The following LMBRD2 variants were observed in gnomAD, a reference collection of about 807,000 sequenced individuals.
LMBRD2 encodes the protein LMBR1 domain containing 2.
A neutral mutation model predicts 94.4 loss-of-function variants in LMBRD2; 55 were observed. The observed-to-expected ratio is 0.58, with a 90% CI of 0.47 to 0.73. LMBRD2 has a LOEUF of 0.73. Among genes scored for constraint, LMBRD2 ranks in the 30% least tolerant of loss-of-function variants. LMBRD2 has a pLI of 0.00. For synonymous variants in LMBRD2, 246 were observed against 272.4 expected (o/e 0.90, Z 0.95); for missense variants, 640 against 831.9 (o/e 0.77, Z 2.84).
chr5:36,130,436 C>A (rs183552784), intron 6 of LMBRD2, among the ~76,000 whole-genome samples: 1 of 151,616 alleles, frequency 6.6e-6, no homozygotes, highest in African/African-American at 2.4e-5. Context: ...AACAGATACA[C>A]AAAAAATAAG....
Position 36,103,950 on chromosome 5 carries a change from A to G in LMBRD2, c.*96T>C. The G allele has an allele frequency of 1.2e-6, 1 of 802,520 alleles. No individual in the cohort carries two copies. Among genetic ancestry groups the G allele is most frequent in the South Asian group, 1.6e-5 (1 of 62,098 alleles). 49.7% of individuals were successfully genotyped at this position (802,520 alleles called of 1,614,324 possible). A position where few individuals can be genotyped will look rare whatever the true frequency, so the allele number is the denominator to read the frequency against. The stretch of plus-strand genomic sequence containing the variant: ...CTTTTTTGTTATCTTGACACTTTTC[A>G]CTGTGTATAGAGGAAATTCTAGGGT... On this transcript the variant is annotated 3_prime_UTR_variant, in exon 18 of 18. Transcript: ENST00000296603.
At chr5:36,123,012 A>C in intron 7 of LMBRD2, 51 bp from the exon 8 acceptor site, 1 of 1,397,076 alleles carries the variant, frequency 7.2e-7, no homozygotes, top group Non-Finnish European at 9.4e-7. Flanking sequence ...TAAAAAGATA[A>C]AAATTTATTT....
intron 15 of LMBRD2, among the ~76,000 whole-genome samples, chr5:36,108,871 A>C (rs1173288573): frequency 1.3e-5 from 2 of 152,118 alleles, no homozygotes; most frequent in African/African-American, 4.8e-5. Flanking sequence ...ATTTTTGCTA[A>C]CTTTGGTTGT....
chr5:36,142,766 C>T, intron 2 of LMBRD2, 167 bp from the exon 3 acceptor site: 1 of 465,430 alleles, frequency 2.1e-6, no homozygotes, highest in African/African-American at 2.0e-5. Context: ...ACTCTGTCGC[C>T]CAGGCTGGAG....
Position 36,136,458 on chromosome 5 carries a change from A to ACAG in LMBRD2, c.597_598insCTG (p.Leu202dup), listed in dbSNP as rs763187565. The stretch of plus-strand genomic sequence containing the variant: ...TCCACCAAGCCATACCCCAACAACA[A>ACAG]CACAAGAAGAAACAGACCCCATGTA... On this transcript the variant is annotated inframe_insertion, in exon 6 of 18. Transcript: ENST00000296603. 2 of 1,613,864 alleles carry ACAG rather than the reference A, an allele frequency of 1.2e-6. No homozygotes were observed. Among genetic ancestry groups the ACAG allele is most frequent in the African/African-American group, 2.7e-5 (2 of 74,894 alleles).
At chr5:36,137,246 G>A (rs1300900749) in intron 5 of LMBRD2, 28 bp downstream of exon 5, 1 of 1,424,280 alleles carries the variant, frequency 7.0e-7, no homozygotes, top group South Asian at 1.4e-5. Flanking sequence ...ATACATTAAA[G>A]CAATGTTAAG....
chr5:36,127,164 C>T (rs1744026383), intron 6 of LMBRD2, among the ~76,000 whole-genome samples: 1 of 152,222 alleles, frequency 6.6e-6, no homozygotes, highest in Non-Finnish European at 1.5e-5. Flanking sequence ...TTCTGCATAG[C>T]ACTTAACATG....
chr5:36,116,646 CT>C (rs1180584879), intron 10 of LMBRD2, 53 bp from the exon 11 acceptor site: 2 of 1,546,392 alleles, frequency 1.3e-6, no homozygotes, highest in African/African-American at 1.4e-5. Context: ...GACTTTAGCA[CT>C]TAACAATTAC....
chr5:36,120,994 T>A (rs545611218), intron 9 of LMBRD2, among the ~76,000 whole-genome samples: 1 of 148,250 alleles, frequency 6.7e-6, no homozygotes, highest in East Asian at 1.9e-4. Context: ...CTATCTCAAT[T>A]ACTTCTTTAT....
chr5:36,131,937 G>A (rs1488356975), intron 6 of LMBRD2, among the ~76,000 whole-genome samples: 1 of 151,924 alleles, frequency 6.6e-6, no homozygotes, highest in Non-Finnish European at 1.5e-5. Context: ...AAATACCAAC[G>A]ACATTCTTAA....
intron 5 of LMBRD2, 129 bp from the exon 6 acceptor site, chr5:36,136,648 G>A: frequency 1.4e-6 from 1 of 711,674 alleles, no homozygotes; most frequent in Non-Finnish European, 2.3e-6. Context: ...AATAATTCAT[G>A]GCAATAATAT....
Position 36,142,523 on chromosome 5 carries a change from G to A in LMBRD2, c.251C>T (p.Ala84Val), listed in dbSNP as rs956135633. The A allele has an allele frequency of 1.2e-6, 2 of 1,600,670 alleles. No individual in the cohort carries two copies. Among genetic ancestry groups the A allele is most frequent in the African/African-American group, 1.3e-5 (1 of 74,682 alleles). ...PENSNITGLY[A>V]TANPVPSQHP... Reference sequence around the variant, plus strand: ...ATACCTTGGAACAGGGTTAGCAGTTGCGTACAATCCTGTAATGTTGCTATT... The same window carrying A: ...ATACCTTGGAACAGGGTTAGCAGTTACGTACAATCCTGTAATGTTGCTATT... Residue 84 changes from alanine (A) to valine (V), a missense_variant, in exon 3 of 18, where the codon GCA (alanine) becomes GTA (valine). Physicochemically the swap from Ala to Val is moderately conservative, Grantham distance 64. Coordinates refer to ENST00000296603, the MANE Select transcript of LMBRD2 (RefSeq NM_001007527.2).
intron 16 of LMBRD2, among the ~76,000 whole-genome samples, chr5:36,108,099 G>C (rs1191694464): frequency 6.6e-6 from 1 of 152,032 alleles, no homozygotes; most frequent in Non-Finnish European, 1.5e-5. Context: ...AGCATCCTGA[G>C]GACAAGAAAT....
chr5:36,111,145 C>A lies in LMBRD2; in HGVS notation c.1744+10G>T. 6.6e-7 allele frequency: 1 copy of A among 1,514,544 alleles called. No homozygotes were observed. The highest frequency in any genetic ancestry group is 9.1e-7 in the Non-Finnish European group (1 of 1,097,570). 93.8% of individuals were successfully genotyped at this position (1,514,544 alleles called of 1,614,324 possible). On this transcript the variant is annotated intron_variant, in intron 14 of 17. Coordinates refer to ENST00000296603, the MANE Select transcript of LMBRD2 (RefSeq NM_001007527.2). ...TTTTCCCTTCATTTATTTTAAAAGA[C>A]AAATCTTACCTTTTCTGATTAATTC...
chr5:36,142,528 C>T lies in LMBRD2; in HGVS notation c.246G>A (p.Leu82=), dbSNP rs1231664703. ...SPPENSNITG[L]YATANPVPSQ... Reference sequence around the variant, plus strand: ...TTGGAACAGGGTTAGCAGTTGCGTACAATCCTGTAATGTTGCTATTCTCAG... The same window carrying T: ...TTGGAACAGGGTTAGCAGTTGCGTATAATCCTGTAATGTTGCTATTCTCAG... Residue 82 remains leucine (L), a synonymous_variant, in exon 3 of 18, where the codon TTG becomes TTA. Transcript: ENST00000296603. 2 of 1,606,226 alleles carry T rather than the reference C, an allele frequency of 1.2e-6. No individual in the cohort carries two copies. Among genetic ancestry groups the T allele is most frequent in the East Asian group, 2.2e-5 (1 of 44,832 alleles).
At chr5:36,141,585 G>GTT (rs60815164) in intron 3 of LMBRD2, among the ~76,000 whole-genome samples, 3 of 143,660 alleles carry the variant, frequency 2.1e-5, no homozygotes, top group East Asian at 2.0e-4. Context: ...TATAGGTTGG[G>GTT]TTTTTTTTTT....
chr5:36,124,301 T>G (rs1351108775), intron 6 of LMBRD2, 36 bp from the exon 7 acceptor site: 1 of 1,230,952 alleles, frequency 8.1e-7, no homozygotes, highest in East Asian at 2.4e-5. Flanking sequence ...AATATTTCCA[T>G]TTCTACAGAT....
chr5:36,121,614 T>C (rs1406454128), intron 9 of LMBRD2, among the ~76,000 whole-genome samples: 1 of 152,208 alleles, frequency 6.6e-6, no homozygotes, highest in Non-Finnish European at 1.5e-5. Flanking sequence ...TTCAGTAGTA[T>C]GTCAAGACTG....
At chr5:36,106,770 A>C (rs1743482176) in intron 16 of LMBRD2, among the ~76,000 whole-genome samples, 1 of 152,090 alleles carries the variant, frequency 6.6e-6, no homozygotes, top group Non-Finnish European at 1.5e-5. Flanking sequence ...TCAGCTTCAC[A>C]GGCATAAGCC....
Sources: allele counts gnomAD v4.1 joint callset (sites outside exome capture counted in the v4.1 genomes callset), GRCh38; gene constraint gnomAD v4.1.1; transcripts MANE v1.5; gene names NCBI Gene and HGNC (gene_info 2026-07-23, HGNC 2026-07-21).